The following COG8 variants were observed in gnomAD, a reference collection of about 807,000 sequenced individuals.
The protein encoded by COG8 is conserved oligomeric Golgi complex subunit 8.
COG8 carries 45 observed loss-of-function variants against 46.5 expected under a neutral mutation model. The observed-to-expected ratio is 0.97, with a 90% CI of 0.76 to 1.24. COG8 has a LOEUF of 1.24. Among genes scored for constraint, COG8 ranks in the 50% most tolerant of loss-of-function variants. The probability of loss-of-function intolerance (pLI) is 0.00; values close to 1 mark genes in which losing one functional copy is unlikely to be tolerated. For synonymous variants in COG8, 407 were observed against 347.8 expected (o/e 1.17, Z -1.90); for missense variants, 793 against 820.8 (o/e 0.97, Z 0.41).
At chr16:69,329,427 C>T (rs1033207933) in intron 5 of COG8, among the ~76,000 whole-genome samples, 1 of 152,232 alleles carries the variant, frequency 6.6e-6, no homozygotes, top group African/African-American at 2.4e-5. Context: ...GATGAGAAAT[C>T]ATCTTTCTAC....
At chr16:69,330,603 C>T (rs2011737895) in intron 5 of COG8, 1 of 1,416,710 alleles carries the variant, frequency 7.1e-7, no homozygotes, top group Non-Finnish European at 9.1e-7. Context: ...CGGCCCGCCC[C>T]TTCCGGCCGC....
Position 69,334,541 on chromosome 16 carries a change from AGGCCCCAGTCACATCCTGCGCCAG to A in COG8, c.1369_1392del (p.Ala458_Leu465del). ...CTCACCTTGGCAAGGGCATCTTCCA[AGGCCCCAGTCACATCCTGCGCCAG>A]GGCCACAGGGCAGCAGAGGCGCAGA... On this transcript the variant is annotated inframe_deletion, in exon 3 of 6. Coordinates refer to ENST00000306875, the MANE Select transcript of COG8 (RefSeq NM_032382.5). 6.2e-7 allele frequency: 1 copy of A among 1,614,188 alleles called. No homozygotes were observed. The highest frequency in any genetic ancestry group is 8.5e-7 in the Non-Finnish European group (1 of 1,180,022).
Position 69,329,048 on chromosome 16 carries a change from C to T in COG8, c.*158G>A, listed in dbSNP as rs1357225937. On this transcript the variant is annotated 3_prime_UTR_variant, in exon 6 of 6. Coordinates refer to ENST00000306875, the MANE Select transcript of COG8 (RefSeq NM_032382.5). ...TAGTCATTCACCTTCATCCAATAGA[C>T]GTTTGTGAACGTCCTGCTGTCCATT... 2 of 1,610,924 alleles carry T rather than the reference C, an allele frequency of 1.2e-6. No individual in the cohort carries two copies. Among genetic ancestry groups the T allele is most frequent in the East Asian group, 2.2e-5 (1 of 44,654 alleles).
intron 5 of COG8, chr16:69,330,280 TTGCGTCAGCCGC>T (rs2011690938): frequency 7.0e-7 from 1 of 1,434,246 alleles, no homozygotes; most frequent in Non-Finnish European, 9.1e-7. Context: ...GGACCAGCCG[TTGCGTCAGCCGC>T]TGCAGCTCGG....
In COG8 at chr16:69,339,444, C is replaced by G; in HGVS notation, c.109G>C (p.Glu37Gln). The change falls in exon 1 of 6, where the codon GAG becomes CAG. Residue 37 changes from glutamate (E) to glutamine (Q), a missense_variant. Glu to Gln is a conservative substitution (Grantham distance 29). Transcript: ENST00000306875. ...TCGGGCCGCTCGCGCCACTGGGCCT[C>G]GGGGAAGCGGTCCCGGAACAGCGAC... ...LASLFRDRFP[E>Q]AQWRERPDVG... The G allele has an allele frequency of 6.3e-7, 1 of 1,592,390 alleles. No homozygotes were observed. Among genetic ancestry groups the G allele is most frequent in the South Asian group, 1.1e-5 (1 of 89,622 alleles).
intron 5 of COG8, 149 bp from the exon 6 acceptor site, chr16:69,329,328 G>A (rs1965706727): frequency 1.2e-5 from 10 of 828,906 alleles, no homozygotes; most frequent in Non-Finnish European, 1.8e-5. Flanking sequence ...CTTCTAACTG[G>A]AAAACGTCCC....
At position 69,332,713 on chromosome 16, in the gene COG8, C is replaced by G; in HGVS notation, c.1582+1G>C. 1 of 1,613,344 alleles carries G rather than the reference C, an allele frequency of 6.2e-7. No individual in the cohort carries two copies. The highest frequency in any genetic ancestry group is 8.5e-7 in the Non-Finnish European group (1 of 1,179,292). On this transcript the variant is annotated splice_donor_variant, in intron 4 of 5. Coordinates refer to ENST00000306875, the MANE Select transcript of COG8 (RefSeq NM_032382.5). LOFTEE classifies it high-confidence loss of function. ...AGTTTACAGAATTTTCATTCTCTTA[C>G]CTAAAGTCTGTGCTATCTGAGCTGG... is the stretch of plus-strand genomic sequence containing the variant.
rs766564964 is a variant in COG8, at chr16:69,329,143, G to A, written c.*63C>T. 1 of 1,607,348 alleles carries A rather than the reference G, an allele frequency of 6.2e-7. No individual in the cohort carries two copies. Among genetic ancestry groups the A allele is most frequent in the South Asian group, 1.1e-5 (1 of 90,376 alleles). On this transcript the variant is annotated 3_prime_UTR_variant, in exon 6 of 6. Coordinates refer to ENST00000306875, the MANE Select transcript of COG8 (RefSeq NM_032382.5). ...GATGATGCGGGCTGCCCACCCGCTC[G>A]CCTGCCACACCACCTGTTCTCCATT...
chr16:69,335,092 T>C lies in COG8; in HGVS notation c.842A>G (p.His281Arg). ...ITKTIEASRV[H>R]LFDIITQYRA... The stretch of plus-strand genomic sequence containing the variant: ...GTACTGGGTGATGATATCAAAGAGA[T>C]GGACACGGGAGGCCTCGATGGTTTT... Residue 281 changes from histidine (H) to arginine (R), a missense_variant, in exon 3 of 6, where the codon CAT (histidine) becomes CGT (arginine). Coordinates refer to ENST00000306875, the MANE Select transcript of COG8 (RefSeq NM_032382.5). 6.2e-7 allele frequency: 1 copy of C among 1,614,148 alleles called. No homozygotes were observed. The highest frequency in any genetic ancestry group is 8.5e-7 in the Non-Finnish European group (1 of 1,180,024).
chr16:69,335,308 A>G lies in COG8; in HGVS notation c.626T>C (p.Leu209Pro), dbSNP rs1421504778. The G allele has an allele frequency of 6.2e-7, 1 of 1,609,716 alleles. No homozygotes were observed. Among genetic ancestry groups the G allele is most frequent in the African/African-American group, 1.3e-5 (1 of 74,896 alleles). Residue 209 changes from leucine to proline, a missense_variant, in exon 3 of 6, where the codon CTG (leucine) becomes CCG (proline). Physicochemically the swap from Leu to Pro is moderately conservative, Grantham distance 98. Transcript: ENST00000306875. ...CCTCAGTTGCTGGATCAGCTGGCTC[A>G]GCATCAGCTGCATGGACTGGCGCAC... ...NEVRQSMQLMLSQLIQQLRTN... is the reference protein window; with the variant it reads ...NEVRQSMQLMPSQLIQQLRTN...
intron 3 of COG8, among the ~76,000 whole-genome samples, chr16:69,333,103 G>T (rs182779920): frequency 6.6e-6 from 1 of 152,046 alleles, no homozygotes; most frequent in East Asian, 1.9e-4. Flanking sequence ...GTTACATTAC[G>T]GGTATAGTTT....
In COG8 at chr16:69,330,806, C is replaced by G; in HGVS notation, c.*26+7G>C. On this transcript the variant is annotated splice_region_variant and intron_variant, in intron 5 of 5. Transcript: ENST00000306875. ...CCTGGCCACCCCGCGCCGGGAACCT[C>G]ACGCACCGCGTTCTGGAGGCAGGGG... 1 of 1,524,818 alleles carries G rather than the reference C, an allele frequency of 6.6e-7. No homozygotes were observed. Among genetic ancestry groups the G allele is most frequent in the South Asian group, 1.2e-5 (1 of 82,166 alleles). 94.5% of individuals were successfully genotyped at this position (1,524,818 alleles called of 1,614,324 possible). A position where few individuals can be genotyped will look rare whatever the true frequency, so the allele number is the denominator to read the frequency against.
chr16:69,332,609 T>C lies in COG8; in HGVS notation c.1582+105A>G, dbSNP rs182960672. ...TGGAGTGATGGAAATATTCTAAAAT[T>C]GGATTCATATTTACTAAAAAACACT... On this transcript the variant is annotated intron_variant, in intron 4 of 5. Coordinates refer to ENST00000306875, the MANE Select transcript of COG8 (RefSeq NM_032382.5). 7.1e-4 allele frequency: 769 copies of C among 1,083,772 alleles called. 1 individual carries two copies. Among genetic ancestry groups the C allele is most frequent in the Middle Eastern group, 3.2e-3 (12 of 3,746 alleles). The allele number at this position is 1,083,772 out of a possible 1,614,324, so 67.1% of individuals were successfully genotyped here.
chr16:69,337,285 A>T (rs1320540903), intron 1 of COG8, among the ~76,000 whole-genome samples: 1 of 151,696 alleles, frequency 6.6e-6, no homozygotes, highest in Non-Finnish European at 1.5e-5. Flanking sequence ...CGTCTCAAAA[A>T]AAAAAAAAAA....
chr16:69,328,972 A>G lies in COG8; in HGVS notation c.*234T>C. ...AGTAAGATTTGCCCAGCTCAAAGTGAAAGTGTTTGCGTCTTGGTATCCGGA... is the reference window on the plus strand; with the variant it reads ...AGTAAGATTTGCCCAGCTCAAAGTGGAAGTGTTTGCGTCTTGGTATCCGGA... On this transcript the variant is annotated 3_prime_UTR_variant, in exon 6 of 6. Coordinates refer to ENST00000306875, the MANE Select transcript of COG8 (RefSeq NM_032382.5). 1 of 1,577,906 alleles carries G rather than the reference A, an allele frequency of 6.3e-7. No homozygotes were observed. Among genetic ancestry groups the G allele is most frequent in the Non-Finnish European group, 8.5e-7 (1 of 1,170,314 alleles).
Position 69,330,871 on chromosome 16 carries a change from T to C in COG8, c.1807A>G (p.Thr603Ala), listed in dbSNP as rs2011769207. 3 of 1,545,102 alleles carry C rather than the reference T, an allele frequency of 1.9e-6. No individual in the cohort carries two copies. The highest frequency in any genetic ancestry group is 1.7e-6 in the Non-Finnish European group (2 of 1,145,590). ...CCCACGCTGGGCGGTTCGGCCTGCG[T>C]CTCCGCTCGCCCTCCCTCCGGGCAG... Reference protein sequence around the residue: ...PACPEGGRAETQAEPPSVGP With the variant: ...PACPEGGRAEAQAEPPSVGP The change falls in exon 5 of 6, where the codon ACG becomes GCG. Residue 603 changes from threonine (T) to alanine (A), a missense_variant. Physicochemically the swap from Thr to Ala is moderately conservative, Grantham distance 58 (BLOSUM62 0). Transcript: ENST00000306875.
At chr16:69,329,822 G>A (rs909343169) in intron 5 of COG8, among the ~76,000 whole-genome samples, 73 of 152,366 alleles carry the variant, frequency 4.8e-4, no homozygotes, top group African/African-American at 1.7e-3. Context: ...TCCTATCTGA[G>A]CGGGCTCTAC....
chr16:69,339,257 C>T lies in COG8; in HGVS notation c.296G>A (p.Arg99His). 1.2e-6 allele frequency: 2 copies of T among 1,612,668 alleles called. No individual in the cohort carries two copies. Among genetic ancestry groups the T allele is most frequent in the Non-Finnish European group, 1.7e-6 (2 of 1,179,792 alleles). Residue 99 changes from arginine to histidine, a missense_variant, in exon 1 of 6, where the codon CGC becomes CAC. Arg to His is a conservative substitution (Grantham distance 29). Transcript: ENST00000306875. ...CACGTCGCCAAACAGGCGGTGGATG[C>T]GCTCGGTGCACTCGGCGCCGCGGAT... is the stretch of plus-strand genomic sequence containing the variant. ...TFIRGAECTE[R>H]IHRLFGDVEA... is the part of the protein sequence containing the mutation.
chr16:69,331,407 C>A (rs1315327074), intron 4 of COG8, among the ~76,000 whole-genome samples: 1 of 139,908 alleles, frequency 7.1e-6, no homozygotes, highest in Non-Finnish European at 1.5e-5. Context: ...TAGCCGAGAT[C>A]GCGCCATTGC....
Sources: allele counts gnomAD v4.1 joint callset (sites outside exome capture counted in the v4.1 genomes callset), GRCh38; gene constraint gnomAD v4.1.1; transcripts MANE v1.5; gene names NCBI Gene and HGNC (gene_info 2026-07-23, HGNC 2026-07-21).